The following ADAMTS20 variants were observed in gnomAD, a reference collection of about 807,000 sequenced individuals.
ADAMTS20 encodes A disintegrin and metalloproteinase with thrombospondin motifs 20.
ADAMTS20 carries 225 observed loss-of-function variants against 260.1 expected under a neutral mutation model. That is an observed-to-expected ratio of 0.87 (90% CI 0.78 to 0.97). The LOEUF (loss-of-function observed/expected upper bound fraction) is 0.97, where lower values mean the gene tolerates loss of function less well. Among genes scored for constraint, ADAMTS20 ranks in the 50% least tolerant of loss-of-function variants. The probability of loss-of-function intolerance (pLI) is 0.00; values close to 1 mark genes in which losing one functional copy is unlikely to be tolerated. For synonymous variants in ADAMTS20, 802 were observed against 769.5 expected (o/e 1.04, Z -0.70); for missense variants, 2,400 against 2,337.7 (o/e 1.03, Z -0.55).
chr12:43,404,196 C>CACAT (rs1374235231), intron 28 of ADAMTS20, among the ~76,000 whole-genome samples: 4 of 151,578 alleles, frequency 2.6e-5, no homozygotes, highest in Non-Finnish European at 1.5e-5. Context: ...CACACACACA[C>CACAT]ACACACACAC....
chr12:43,527,575 T>C lies in ADAMTS20; in HGVS notation c.613+4461A>G, dbSNP rs1435180442. ...AAGGTAATATATCACATAAACAGAA[T>C]TAGAAACAAAAACCATATGATCTCA... On this transcript the variant is annotated intron_variant, in intron 3 of 38. Transcript: ENST00000389420. Among the ~76,000 whole-genome samples the C allele has an allele frequency of 2.0e-5, 3 of 151,740 alleles. No homozygotes were observed. The East Asian group carries it at 5.8e-4, about 29-fold the overall frequency.
chr12:43,489,229 G>C (rs1474956524), intron 7 of ADAMTS20, among the ~76,000 whole-genome samples: 2 of 151,990 alleles, frequency 1.3e-5, no homozygotes, highest in East Asian at 1.9e-4. Flanking sequence ...GTTTCTTAAA[G>C]AAGAAACAAA....
At chr12:43,357,062 T>C (rs1358556636) in intron 37 of ADAMTS20, among the ~76,000 whole-genome samples, 2 of 152,246 alleles carry the variant, frequency 1.3e-5, no homozygotes, top group Non-Finnish European at 2.9e-5. Context: ...ACACACATTA[T>C]GGTGTGTGGG....
intron 7 of ADAMTS20, among the ~76,000 whole-genome samples, chr12:43,469,263 T>C (rs147606788): frequency 7.9e-5 from 12 of 152,254 alleles, no homozygotes; most frequent in African/African-American, 2.9e-4. Context: ...ATATAAGAAT[T>C]ACTGCCGTCA....
At chr12:43,532,460 A>C (rs530413904) in intron 2 of ADAMTS20, among the ~76,000 whole-genome samples, 1 of 152,288 alleles carries the variant, frequency 6.6e-6, no homozygotes, top group Admixed American at 6.5e-5. Flanking sequence ...AGCATAGATA[A>C]AAGCATCAAA....
At chr12:43,512,135 A>G (rs527553314) in intron 3 of ADAMTS20, among the ~76,000 whole-genome samples, 1 of 151,432 alleles carries the variant, frequency 6.6e-6, no homozygotes, top group Non-Finnish European at 1.5e-5. Flanking sequence ...CATTAACAAA[A>G]ACCCTATGAG....
Position 43,462,919 on chromosome 12 carries a change from AT to A in ADAMTS20, c.1589del (p.Asp530ValfsTer17), listed in dbSNP as rs779267808. 5 of 1,608,036 alleles carry A rather than the reference AT, an allele frequency of 3.1e-6. No homozygotes were observed. The highest frequency in any genetic ancestry group is 4.2e-6 in the Non-Finnish European group (5 of 1,176,908). On this transcript the variant is annotated frameshift_variant, in exon 11 of 39. Transcript: ENST00000389420. LOFTEE classifies it high-confidence loss of function. ...CCATTCCAGGACCGCAGTCTGTTCCATCTGCTGGTGGCACGTGTTGAGTGAA... is the reference window on the plus strand; with the variant it reads ...CCATTCCAGGACCGCAGTCTGTTCCACTGCTGGTGGCACGTGTTGAGTGAA... The part of the protein sequence containing the change: ...GCFTQHVPPA[D>X]GTDCGPGMHC...
At chr12:43,523,002 C>T (rs185892108) in intron 3 of ADAMTS20, among the ~76,000 whole-genome samples, 11 of 152,292 alleles carry the variant, frequency 7.2e-5, no homozygotes, top group African/African-American at 2.6e-4. Context: ...AAAGATATCA[C>T]TTTTCCTTTT....
At chr12:43,472,278 T>C (rs543736598) in intron 7 of ADAMTS20, among the ~76,000 whole-genome samples, 2 of 151,696 alleles carry the variant, frequency 1.3e-5, no homozygotes, top group East Asian at 3.9e-4. Flanking sequence ...AGAAGGGAAG[T>C]TTACAGAAAA....
chr12:43,525,412 C>T (rs1241829262), intron 3 of ADAMTS20, among the ~76,000 whole-genome samples: 2 of 152,082 alleles, frequency 1.3e-5, no homozygotes, highest in South Asian at 4.1e-4. Context: ...TTAATATGCA[C>T]CAAAATAGAA....
At chr12:43,369,786 A>T (rs1442106266) in intron 36 of ADAMTS20, among the ~76,000 whole-genome samples, 1 of 152,212 alleles carries the variant, frequency 6.6e-6, no homozygotes, top group Non-Finnish European at 1.5e-5. Flanking sequence ...TAAACAGCAC[A>T]TACAAAAATT....
intron 3 of ADAMTS20, among the ~76,000 whole-genome samples, chr12:43,505,975 G>A (rs1942834912): frequency 6.6e-6 from 1 of 152,132 alleles, no homozygotes; most frequent in Non-Finnish European, 1.5e-5. Context: ...TAAAAGGAAA[G>A]AAGGCATGTG....
intron 3 of ADAMTS20, among the ~76,000 whole-genome samples, chr12:43,522,185 C>T (rs1325058337): frequency 6.7e-6 from 1 of 149,016 alleles, no homozygotes; most frequent in Non-Finnish European, 1.5e-5. Flanking sequence ...AGTGAGGAAG[C>T]AAGGCACGTT....
chr12:43,498,959 A>C (rs943590754), intron 4 of ADAMTS20, among the ~76,000 whole-genome samples: 2 of 152,170 alleles, frequency 1.3e-5, no homozygotes, highest in African/African-American at 4.8e-5. Context: ...ACAACAATTT[A>C]TGTACAGAAC....
chr12:43,515,606 T>C (rs958203894), intron 3 of ADAMTS20, among the ~76,000 whole-genome samples: 23 of 152,290 alleles, frequency 1.5e-4, no homozygotes, highest in African/African-American at 5.5e-4. Context: ...ATAAGAAATA[T>C]TTAAGATATT....
rs145238050 is a variant in ADAMTS20 at position 43,375,504 on chromosome 12, T to G, written c.5321A>C (p.Asn1774Thr). Reference sequence around the variant, plus strand: ...CCCATTAAAAGGACATTGATATGGATTTTTTAGTCTGTAACAACATTGGGA... The same window carrying G: ...CCCATTAAAAGGACATTGATATGGAGTTTTTAGTCTGTAACAACATTGGGA... Reference protein sequence around the residue: ...FSEVYGFRLKNPYQCPFNGSR... With the variant: ...FSEVYGFRLKTPYQCPFNGSR... Residue 1774 changes from asparagine to threonine, a missense_variant, in exon 36 of 39, where the codon AAT becomes ACT. By Grantham distance (65) the Asn-to-Thr change is moderately conservative. Transcript: ENST00000389420. 8 of 1,612,722 alleles carry G rather than the reference T, an allele frequency of 5.0e-6. No individual in the cohort carries two copies. The highest frequency in any genetic ancestry group is 5.9e-6 in the Non-Finnish European group (7 of 1,179,232).
intron 14 of ADAMTS20, among the ~76,000 whole-genome samples, chr12:43,451,073 A>G (rs1941856147): frequency 6.6e-6 from 1 of 152,208 alleles, no homozygotes; most frequent in African/African-American, 2.4e-5. Flanking sequence ...TCTGGTTTAT[A>G]TACAAAATGG....
At chr12:43,504,682 A>T (rs1942816378) in intron 3 of ADAMTS20, among the ~76,000 whole-genome samples, 1 of 152,212 alleles carries the variant, frequency 6.6e-6, no homozygotes, top group Non-Finnish European at 1.5e-5. Context: ...CATATCAGGA[A>T]ACATTTAGGT....
At chr12:43,501,380 A>G (rs1942757468) in intron 4 of ADAMTS20, among the ~76,000 whole-genome samples, 1 of 151,882 alleles carries the variant, frequency 6.6e-6, no homozygotes, top group South Asian at 2.1e-4. Context: ...CAACTAAACT[A>G]GCATGAAAAG....
Sources: gnomAD v4.1 joint callset for allele counts (sites outside exome capture counted in the v4.1 genomes callset) on GRCh38, gnomAD v4.1.1 for gene constraint, MANE v1.5 for transcripts, NCBI Gene and HGNC (gene_info 2026-07-23, HGNC 2026-07-21) for gene names.